PDE1A: variants seen among roughly 807,000 people sequenced by gnomAD.
The protein encoded by PDE1A is dual specificity calcium/calmodulin-dependent 3',5'-cyclic nucleotide phosphodiesterase 1A.
Under a neutral mutation model 61.7 loss-of-function variants are expected in PDE1A, and 35 were observed. That is an observed-to-expected ratio of 0.57 (90% CI 0.43 to 0.75). The LOEUF is 0.75. Ranked by LOEUF, PDE1A falls within the 30% of genes least tolerant of loss-of-function variation. The pLI is 0.00. For synonymous variants in PDE1A, 232 were observed against 213.2 expected, an observed-to-expected ratio of 1.09 and a Z score of -0.77; for missense variants, 597 against 630.6, an observed-to-expected ratio of 0.95 and a Z score of 0.57.
At chr2:182,499,616 G>A (rs972194592) in intron 2 of PDE1A, among the ~76,000 whole-genome samples, 4 of 152,182 alleles carry the variant, frequency 2.6e-5, no homozygotes, top group African/African-American at 9.7e-5. Flanking sequence ...AAAGAAGACT[G>A]AAAGGCCTCA....
intron 2 of PDE1A, among the ~76,000 whole-genome samples, chr2:182,468,064 T>C (rs1363042565): frequency 6.6e-6 from 1 of 152,008 alleles, no homozygotes; most frequent in African/African-American, 2.4e-5. Context: ...GTAGAGAATC[T>C]TTCTTCAGTG....
the PDE1A span, among the ~76,000 whole-genome samples, chr2:182,596,298 A>G: frequency 6.6e-6 from 1 of 152,184 alleles, no homozygotes; most frequent in East Asian, 1.9e-4. Context: ...GCAGCCCTTC[A>G]GGCAAAGGGG....
At chr2:182,588,159 A>C in the PDE1A span, among the ~76,000 whole-genome samples, 1 of 152,328 alleles carries the variant, frequency 6.6e-6, no homozygotes, top group South Asian at 2.1e-4. Context: ...CAAGTAAGTA[A>C]GTTTGAATTC....
intron 2 of PDE1A, among the ~76,000 whole-genome samples, chr2:182,263,737 G>T (rs957268584): frequency 6.6e-6 from 1 of 152,174 alleles, no homozygotes; most frequent in Non-Finnish European, 1.5e-5. Context: ...GAGGGTCACA[G>T]CACTAAGCTG....
Position 182,197,417 on chromosome 2 carries a change from AT to A in PDE1A, c.1125+4021del, listed in dbSNP as rs527948126. Among the ~76,000 whole-genome samples, 254 of 143,546 alleles carry A rather than the reference AT, an allele frequency of 1.8e-3. 4 individuals are homozygous for A. In the South Asian group the frequency reaches 0.041, roughly 23 times the overall value. 94.2% of individuals were successfully genotyped at this position (143,546 alleles called of 152,430 possible). A position where few individuals can be genotyped will look rare whatever the true frequency, so the allele number is the denominator to read the frequency against. ...TTTGAGTTTTGCTTTTTTCCACTTC[AT>A]TTTTTTTTTCTTTTATGGGTAATGC... is the stretch of plus-strand genomic sequence containing the variant. On this transcript the variant is annotated intron_variant, in intron 10 of 13. Coordinates refer to ENST00000351439, the Ensembl canonical transcript of PDE1A.
rs555006367 is a variant in PDE1A at position 182,277,139 on chromosome 2, T to C, written c.54-12725A>G. Among the ~76,000 whole-genome samples, 309 of 152,198 alleles carry C rather than the reference T, an allele frequency of 2.0e-3. 1 individual carries two copies. The highest frequency in any genetic ancestry group is 7.1e-3 in the African/African-American group (297 of 41,544). On this transcript the variant is annotated intron_variant, in intron 1 of 13. Coordinates refer to ENST00000351439, the Ensembl canonical transcript of PDE1A. ...GAAGCATGTGATCTTTGTTCTCCTTTTTTGCCCTTTGAAGCATGTGATCTT... is the reference window on the plus strand; with the variant it reads ...GAAGCATGTGATCTTTGTTCTCCTTCTTTGCCCTTTGAAGCATGTGATCTT...
upstream of PDE1A, among the ~76,000 whole-genome samples, chr2:182,427,969 G>A (rs2125619029): frequency 6.6e-6 from 1 of 152,258 alleles, no homozygotes; most frequent in South Asian, 2.1e-4. Context: ...TGTCACAAAG[G>A]AGGATACTAT....
exon 3 of PDE1A, chr2:182,240,291 T>G: frequency 6.5e-7 from 1 of 1,542,848 alleles, no homozygotes; most frequent in East Asian, 2.3e-5. Context: ...TCCAGAAGTC[T>G]TCTACAAAAA....
At chr2:182,684,415 A>C in the PDE1A span, among the ~76,000 whole-genome samples, 1 of 152,250 alleles carries the variant, frequency 6.6e-6, no homozygotes, top group African/African-American at 2.4e-5. Flanking sequence ...ATTCTCACCA[A>C]GAAAGAACTC....
intron 2 of PDE1A, among the ~76,000 whole-genome samples, chr2:182,496,559 T>G (rs1688725856): frequency 1.3e-5 from 2 of 152,242 alleles, no homozygotes; most frequent in Admixed American, 1.3e-4. Context: ...CTGGGCCATT[T>G]TAGCTAGGCT....
chr2:182,415,019 C>T (rs1267304384), intron 1 of PDE1A, among the ~76,000 whole-genome samples: 3 of 151,960 alleles, frequency 2.0e-5, no homozygotes, highest in East Asian at 3.8e-4. Flanking sequence ...TAAGTAAGCA[C>T]CAATTTGGGA....
At chr2:182,527,327 A>AAAT (rs1690791538), upstream of PDE1A, among the ~76,000 whole-genome samples, 2 of 20,716 alleles carry the variant, frequency 9.7e-5, no homozygotes, top group Non-Finnish European at 1.6e-4. Context: ...AAAAAAAAAA[A>AAAT]ATATATATAT....
At chr2:182,232,404 C>A (rs1412885682) in intron 4 of PDE1A, among the ~76,000 whole-genome samples, 1 of 152,128 alleles carries the variant, frequency 6.6e-6, no homozygotes, top group Non-Finnish European at 1.5e-5. Context: ...TGAGTAGGCA[C>A]GTTTCAAATT....
intron 2 of PDE1A, among the ~76,000 whole-genome samples, chr2:182,456,368 C>A (rs1311010844): frequency 6.6e-6 from 1 of 152,064 alleles, no homozygotes; most frequent in Non-Finnish European, 1.5e-5. Flanking sequence ...ACTGTATTGA[C>A]ACAAAGATCT....
At chr2:182,224,099 A>G (rs1688950656) in intron 6 of PDE1A, 135 bp from the exon 7 acceptor site, 2 of 600,500 alleles carry the variant, frequency 3.3e-6, no homozygotes, top group Non-Finnish European at 5.7e-6. Flanking sequence ...TTTGTTTCCT[A>G]TTTTACCTCC....
At chr2:182,449,585 C>T (rs986521786) in intron 2 of PDE1A, among the ~76,000 whole-genome samples, 1 of 152,094 alleles carries the variant, frequency 6.6e-6, no homozygotes, top group Middle Eastern at 3.4e-3. Context: ...GATTTTTATG[C>T]CATACAGGCT....
At chr2:182,396,401 G>C (rs1165199944) in intron 1 of PDE1A, among the ~76,000 whole-genome samples, 1 of 152,246 alleles carries the variant, frequency 6.6e-6, no homozygotes, top group Non-Finnish European at 1.5e-5. Context: ...CCAATGGTTT[G>C]GCTGGGTGGC....
chr2:182,162,768 G>T (rs1467383567), intron 13 of PDE1A, among the ~76,000 whole-genome samples: 1 of 152,124 alleles, frequency 6.6e-6, no homozygotes, highest in Non-Finnish European at 1.5e-5. Flanking sequence ...TATAGTAGAG[G>T]TTAGGGGAGT....
chr2:182,572,610 C>T, the PDE1A span, among the ~76,000 whole-genome samples: 2 of 152,268 alleles, frequency 1.3e-5, no homozygotes, highest in East Asian at 1.9e-4. Context: ...AGGCCAGGCG[C>T]GGTGGCTCAC....
Sources: allele counts gnomAD v4.1 joint callset (sites outside exome capture counted in the v4.1 genomes callset), GRCh38; gene constraint gnomAD v4.1.1; transcripts MANE v1.5; gene names NCBI Gene and HGNC (gene_info 2026-07-23, HGNC 2026-07-21).